AGBL2: variants seen among roughly 807,000 people sequenced by gnomAD.
AGBL2 encodes the protein AGBL carboxypeptidase 2.
A neutral mutation model predicts 103.0 loss-of-function variants in AGBL2; 87 were observed. That is an observed-to-expected ratio of 0.84 (90% CI 0.71 to 1.01). AGBL2 has a LOEUF of 1.01. AGBL2 is among the 50% of genes least tolerant of loss of function. The pLI, the probability that AGBL2 is intolerant of heterozygous loss-of-function variation, is 0.00. For synonymous variants in AGBL2, 335 were observed against 356.7 expected (o/e 0.94, Z 0.69); for missense variants, 904 against 1,023.5 (o/e 0.88, Z 1.59).
Position 47,664,605 on chromosome 11 carries a change from G to T in AGBL2, c.2449-1493C>A, listed in dbSNP as rs566922209. On this transcript the variant is annotated intron_variant, in intron 17 of 18. Transcript: ENST00000525123. ...TTTTTGTATTTTTAGTAGACACGGG[G>T]TTTCACTGTGTTAGCTAGGATGGTC... Among the ~76,000 whole-genome samples, 146 of 152,028 alleles carry T rather than the reference G, an allele frequency of 9.6e-4. 1 individual carries two copies. The South Asian group carries it at 0.015, about 15-fold the overall frequency.
chr11:47,679,199 T>G (rs991027867), intron 13 of AGBL2, among the ~76,000 whole-genome samples: 16 of 149,632 alleles, frequency 1.1e-4, no homozygotes, highest in East Asian at 4.0e-4. Flanking sequence ...GGCAGGAGGA[T>G]CACGAGCCCA....
At chr11:47,667,185 G>A (rs2097343530) in intron 16 of AGBL2, 122 bp from the exon 17 acceptor site, 3 of 687,900 alleles carry the variant, frequency 4.4e-6, no homozygotes, top group Non-Finnish European at 7.3e-6. Flanking sequence ...AGGGTATGGT[G>A]GGAGTGTGGC....
intron 10 of AGBL2, among the ~76,000 whole-genome samples, chr11:47,689,556 CA>C (rs1248313013): frequency 6.6e-6 from 1 of 152,082 alleles, no homozygotes; most frequent in Non-Finnish European, 1.5e-5. Context: ...CCGCCCACTT[CA>C]GCCTCCCAAA....
At chr11:47,676,672 A>G (rs1378200683) in intron 14 of AGBL2, among the ~76,000 whole-genome samples, 1 of 152,098 alleles carries the variant, frequency 6.6e-6, no homozygotes, top group South Asian at 2.1e-4. Context: ...ACAAAAAATT[A>G]GCCGGGCGTT....
intron 7 of AGBL2, among the ~76,000 whole-genome samples, chr11:47,703,157 G>A (rs936718038): frequency 6.6e-6 from 1 of 151,888 alleles, no homozygotes; most frequent in Non-Finnish European, 1.5e-5. Context: ...ATTAAAAACT[G>A]TAAAAACTAT....
chr11:47,686,712 G>A (rs1024973695), intron 10 of AGBL2, among the ~76,000 whole-genome samples: 7 of 151,634 alleles, frequency 4.6e-5, no homozygotes, highest in Non-Finnish European at 1.0e-4. Context: ...TATAATCCCA[G>A]CACTTTGGTA....
intron 14 of AGBL2, among the ~76,000 whole-genome samples, chr11:47,676,524 T>C (rs1407026500): frequency 6.6e-6 from 1 of 152,180 alleles, no homozygotes; most frequent in Non-Finnish European, 1.5e-5. Flanking sequence ...CTGTTGAAAC[T>C]AAAACCTGTC....
intron 8 of AGBL2, among the ~76,000 whole-genome samples, chr11:47,695,545 T>C (rs2097465752): frequency 7.4e-6 from 1 of 134,534 alleles, no homozygotes; most frequent in Non-Finnish European, 1.6e-5. Context: ...GAGGTTGAAG[T>C]GGGTAGATTG....
chr11:47,710,262 C>T (rs1465582906), intron 4 of AGBL2, 115 bp downstream of exon 4: 8 of 1,272,156 alleles, frequency 6.3e-6, no homozygotes, highest in Non-Finnish European at 8.9e-6. Context: ...GTGTTAGAAA[C>T]AGAGGCCAAG....
chr11:47,707,922 TG>T (rs1486284855), intron 4 of AGBL2, among the ~76,000 whole-genome samples: 3 of 152,132 alleles, frequency 2.0e-5, no homozygotes, highest in African/African-American at 7.2e-5. Flanking sequence ...TCATCTTTTT[TG>T]TTTGTGTTTA....
At chr11:47,662,894 C>T (rs2097331761) in intron 18 of AGBL2, 132 bp downstream of exon 18, 2 of 767,864 alleles carry the variant, frequency 2.6e-6, no homozygotes, top group Non-Finnish European at 4.3e-6. Context: ...TAGATGTTCA[C>T]CTGCGCAGAA....
At position 47,685,905 on chromosome 11, in the gene AGBL2, A is replaced by C; in HGVS notation, c.1776T>G (p.Asn592Lys). Reference sequence around the variant, plus strand: ...ATTATGTGCTTACCTTATCTGGTGCATTTTTGCATAACATTAAAGGAAAGA... The same window carrying C: ...ATTATGTGCTTACCTTATCTGGTGCCTTTTTGCATAACATTAAAGGAAAGA... Reference protein sequence around the residue: ...ERVFPLMLCKNAPDKFSFHSC... With the variant: ...ERVFPLMLCKKAPDKFSFHSC... The change falls in exon 11 of 19, where the codon AAT (asparagine) becomes AAG (lysine). Residue 592 changes from asparagine to lysine, a missense_variant. Physicochemically the swap from Asn to Lys is moderately conservative, Grantham distance 94 (BLOSUM62 0). Coordinates refer to ENST00000525123, the MANE Select transcript of AGBL2 (RefSeq NM_024783.4). 1 of 1,613,924 alleles carries C rather than the reference A, an allele frequency of 6.2e-7. No individual in the cohort carries two copies. Among genetic ancestry groups the C allele is most frequent in the East Asian group, 2.2e-5 (1 of 44,866 alleles).
At position 47,674,575 on chromosome 11, in the gene AGBL2, A is replaced by G. The variant is rs915664531; in HGVS notation, c.2147+2696T>C. 1.6e-4 allele frequency among the ~76,000 whole-genome samples: 25 copies of G among 151,964 alleles called. 1 individual carries two copies. The highest frequency in any genetic ancestry group is 5.8e-4 in the African/African-American group (24 of 41,484). Reference sequence around the variant, plus strand: ...GAGCGAGACTCCGTCTCAAAAAAAAAAAAAAAAAAAGGGTTAGGGTGGAGG... The same window carrying G: ...GAGCGAGACTCCGTCTCAAAAAAAAGAAAAAAAAAAGGGTTAGGGTGGAGG... On this transcript the variant is annotated intron_variant, in intron 14 of 18. Transcript: ENST00000525123.
chr11:47,700,847 G>T (rs2097495797), intron 7 of AGBL2, among the ~76,000 whole-genome samples: 1 of 151,842 alleles, frequency 6.6e-6, no homozygotes, highest in African/African-American at 2.4e-5. Context: ...GAATCATGAG[G>T]TCAGGAGATC....
At chr11:47,681,451 A>T (rs1040184626) in intron 12 of AGBL2, among the ~76,000 whole-genome samples, 1 of 152,184 alleles carries the variant, frequency 6.6e-6, no homozygotes, top group East Asian at 1.9e-4. Context: ...TATCTGCCTG[A>T]TTCCAGGTTT....
intron 14 of AGBL2, among the ~76,000 whole-genome samples, chr11:47,675,199 C>CTTTTTTTT (rs34012734): frequency 1.7e-5 from 1 of 58,202 alleles, no homozygotes; most frequent in Non-Finnish European, 2.9e-5. Flanking sequence ...TCCCACCAGT[C>CTTTTTTTT]TTTTTTTTTT....
At chr11:47,678,387 G>A (rs556820272) in intron 13 of AGBL2, among the ~76,000 whole-genome samples, 17 of 141,208 alleles carry the variant, frequency 1.2e-4, no homozygotes, top group South Asian at 2.6e-4. Flanking sequence ...AGGCTGGAGT[G>A]TAGTGGCATG....
intron 7 of AGBL2, among the ~76,000 whole-genome samples, chr11:47,703,107 A>G (rs966792611): frequency 1.3e-5 from 2 of 152,090 alleles, no homozygotes; most frequent in African/African-American, 4.8e-5. Flanking sequence ...AGAAAACTCC[A>G]ATAAACTCAA....
At position 47,710,369 on chromosome 11, in the gene AGBL2, T is replaced by A; in HGVS notation, c.232+8A>T. On this transcript the variant is annotated splice_region_variant and intron_variant, in intron 4 of 18. Coordinates refer to ENST00000525123, the MANE Select transcript of AGBL2 (RefSeq NM_024783.4). ...TTCTAGAGGTCACACATACTGATTG[T>A]TACTCACATAGAAGCTTCTCCTTTT... 1.2e-6 allele frequency: 2 copies of A among 1,613,982 alleles called. No individual in the cohort carries two copies. The highest frequency in any genetic ancestry group is 2.2e-5 in the South Asian group (2 of 91,076).
Sources: gnomAD v4.1 joint callset for allele counts (sites outside exome capture counted in the v4.1 genomes callset) on GRCh38, gnomAD v4.1.1 for gene constraint, MANE v1.5 for transcripts, NCBI Gene and HGNC (gene_info 2026-07-23, HGNC 2026-07-21) for gene names.